Variants in HACD3 observed in about 807,000 individuals in gnomAD.
HACD3 encodes the protein 3-hydroxyacyl-CoA dehydratase 3.
HACD3 carries 30 observed loss-of-function variants against 55.2 expected under a neutral mutation model. The observed-to-expected ratio is 0.54, with a 90% CI of 0.41 to 0.74. HACD3 has a LOEUF of 0.74. Among genes scored for constraint, HACD3 ranks in the 30% least tolerant of loss-of-function variants. HACD3 has a pLI of 0.00. For missense variants in HACD3, 363 were observed against 440.1 expected, an observed-to-expected ratio of 0.82 and a Z score of 1.57; for synonymous variants, 141 against 151.7, an observed-to-expected ratio of 0.93 and a Z score of 0.52.
intron 1 of HACD3, among the ~76,000 whole-genome samples, chr15:65,535,337 A>G (rs1247966803): frequency 6.6e-6 from 1 of 152,236 alleles, no homozygotes. Context: ...GAACACCTAC[A>G]GACCAATAGG....
chr15:65,560,188 TG>T (rs2072231078), intron 5 of HACD3, among the ~76,000 whole-genome samples: 1 of 152,118 alleles, frequency 6.6e-6, no homozygotes, highest in African/African-American at 2.4e-5. Context: ...AGGCTGCTTT[TG>T]ATTGACCACA....
chr15:65,541,394 C>T (rs1248366264), intron 1 of HACD3, among the ~76,000 whole-genome samples: 2 of 151,998 alleles, frequency 1.3e-5, no homozygotes, highest in Non-Finnish European at 2.9e-5. Flanking sequence ...GCTGTTCAGC[C>T]AAAGATCACC....
chr15:65,531,668 G>T (rs1320926576), intron 1 of HACD3, among the ~76,000 whole-genome samples: 2 of 152,010 alleles, frequency 1.3e-5, no homozygotes, highest in East Asian at 1.9e-4. Context: ...CGGGTTCAAG[G>T]GATTCTCCTG....
chr15:65,557,558 T>C (rs2072206048), intron 4 of HACD3, among the ~76,000 whole-genome samples: 1 of 152,162 alleles, frequency 6.6e-6, no homozygotes. Context: ...GTGACGCTTA[T>C]CAGGTTTCTC....
intron 1 of HACD3, among the ~76,000 whole-genome samples, chr15:65,539,626 A>T (rs2071999727): frequency 6.6e-6 from 1 of 152,056 alleles, no homozygotes; most frequent in African/African-American, 2.4e-5. Flanking sequence ...TATGAGTTGG[A>T]AGTTTTGCTT....
chr15:65,544,891 C>T (rs544368117), intron 1 of HACD3, among the ~76,000 whole-genome samples: 7 of 151,704 alleles, frequency 4.6e-5, no homozygotes, highest in African/African-American at 1.5e-4. Context: ...CGTGGTTGCA[C>T]GTGTCTGTAA....
At chr15:65,542,646 A>G (rs1227791054) in intron 1 of HACD3, among the ~76,000 whole-genome samples, 2 of 152,194 alleles carry the variant, frequency 1.3e-5, no homozygotes, top group Admixed American at 1.3e-4. Flanking sequence ...AATGAATGAA[A>G]TGGTTACCGG....
At chr15:65,539,473 G>T (rs1304671665) in intron 1 of HACD3, among the ~76,000 whole-genome samples, 2 of 151,982 alleles carry the variant, frequency 1.3e-5, no homozygotes, top group Non-Finnish European at 1.5e-5. Flanking sequence ...TGCCTGCCTT[G>T]GCCTCCCAAA....
chr15:65,531,047 GTTCGAGTTGGCTGGGGCCC>G (rs2071893038), intron 1 of HACD3, among the ~76,000 whole-genome samples: 1 of 152,214 alleles, frequency 6.6e-6, no homozygotes, highest in South Asian at 2.1e-4. Flanking sequence ...GGCCGTCGGG[GTTCGAGTTGGCTGGGGCCC>G]TTCGAGATGT....
intron 7 of HACD3, 59 bp from the exon 8 acceptor site, chr15:65,570,032 T>G (rs1476185505): frequency 2.6e-6 from 3 of 1,175,160 alleles, no homozygotes; most frequent in Non-Finnish European, 3.6e-6. Context: ...GATAACACAT[T>G]TCTATAACTT....
chr15:65,554,697 C>T (rs1166581674), intron 2 of HACD3, among the ~76,000 whole-genome samples, 190 bp from the exon 3 acceptor site: 4 of 152,106 alleles, frequency 2.6e-5, no homozygotes, highest in African/African-American at 9.7e-5. Context: ...ATGGCATGAA[C>T]CCGGGAGGCG....
intron 1 of HACD3, among the ~76,000 whole-genome samples, chr15:65,545,610 AT>A (rs71139415): frequency 0.068 from 9,664 of 143,106 alleles, 1,027 homozygotes; most frequent in African/African-American, 0.23. Context: ...GGCCCGGCTA[AT>A]TTTTTTTTTT....
intron 8 of HACD3, 120 bp from the exon 9 acceptor site, chr15:65,571,428 T>C (rs1324663513): frequency 1.4e-6 from 1 of 711,750 alleles, no homozygotes; most frequent in East Asian, 2.8e-5. Flanking sequence ...AGCGTTATAA[T>C]TCTGTTCTGA....
intron 7 of HACD3, among the ~76,000 whole-genome samples, chr15:65,567,148 C>G (rs9806451): frequency 6.6e-6 from 1 of 151,624 alleles, no homozygotes; most frequent in Non-Finnish European, 1.5e-5. Context: ...CATAGTGAGA[C>G]CCCATTTCTA....
intron 4 of HACD3, among the ~76,000 whole-genome samples, chr15:65,558,438 G>A (rs185941641): frequency 6.6e-6 from 1 of 152,298 alleles, no homozygotes; most frequent in Non-Finnish European, 1.5e-5. Context: ...TTGTCAGTTT[G>A]GAAGCCAGCT....
At chr15:65,567,328 AT>A (rs2072301872) in intron 7 of HACD3, among the ~76,000 whole-genome samples, 1 of 152,290 alleles carries the variant, frequency 6.6e-6, no homozygotes, top group South Asian at 2.1e-4. Flanking sequence ...TCTAAAAAAA[AT>A]AAAAAATAAA....
At position 65,530,512 on chromosome 15, in the gene HACD3, G is replaced by A. The variant is rs1429523614; in HGVS notation, c.-120G>A. 1.2e-6 allele frequency: 1 copy of A among 856,122 alleles called. No homozygotes were observed. The highest frequency in any genetic ancestry group is 1.7e-6 in the Non-Finnish European group (1 of 581,500). The allele number at this position is 856,122 out of a possible 1,614,324, so 53.0% of individuals were successfully genotyped here. On this transcript the variant is annotated 5_prime_UTR_variant, in exon 1 of 11. Coordinates refer to ENST00000261875, the MANE Select transcript of HACD3 (RefSeq NM_016395.4). ...AGCGTGGGGTATCTCGAGGTGCCGG[G>A]TTGCAGGCGCTCAGGAGCGCTAGGG...
At chr15:65,543,849 G>A (rs937498206) in intron 1 of HACD3, among the ~76,000 whole-genome samples, 4 of 152,174 alleles carry the variant, frequency 2.6e-5, no homozygotes, top group African/African-American at 9.7e-5. Flanking sequence ...AGTAATAATG[G>A]TAATGGAATT....
At chr15:65,550,263 T>A (rs1260427953) in intron 1 of HACD3, among the ~76,000 whole-genome samples, 15 of 152,122 alleles carry the variant, frequency 9.9e-5, no homozygotes, top group Admixed American at 9.8e-4. Context: ...GGCAGTCGCC[T>A]GTAATACCAG....
Sources: gnomAD v4.1 joint callset for allele counts (sites outside exome capture counted in the v4.1 genomes callset) on GRCh38, gnomAD v4.1.1 for gene constraint, MANE v1.5 for transcripts, NCBI Gene and HGNC (gene_info 2026-07-23, HGNC 2026-07-21) for gene names.